Variants in POM121L2 observed in about 807,000 individuals in gnomAD.
The protein encoded by POM121L2 is POM121-like protein 2.
For synonymous variants in POM121L2, 459 were observed against 483.8 expected, an observed-to-expected ratio of 0.95 and a Z score of 0.67; for missense variants, 1,167 against 1,260.3, an observed-to-expected ratio of 0.93 and a Z score of 1.12.
rs1158811773 is a variant in POM121L2 at position 27,310,340 on chromosome 6, G to A, written c.1831C>T (p.His611Tyr). ...TPPPFTHAST[H>Y]HFHGLVKATS... ...GCCTTGACCAGGCCATGGAAATGAT[G>A]GGTAGAAGCATGAGTAAATGGAGGA... The change falls in exon 1 of 1, where the codon CAT becomes TAT. Residue 611 changes from histidine to tyrosine, a missense_variant. Coordinates refer to ENST00000444565, the MANE Select transcript of POM121L2 (RefSeq NM_033482.4). 1.3e-6 allele frequency: 2 copies of A among 1,552,276 alleles called. No individual in the cohort carries two copies. Among genetic ancestry groups the A allele is most frequent in the South Asian group, 1.2e-5 (1 of 84,062 alleles).
rs61736079 is a variant in POM121L2, at chr6:27,309,082, T to C, written c.3089A>G (p.His1030Arg). The C allele has an allele frequency of 1.4e-3, 2,209 of 1,551,144 alleles. 23 individuals are homozygous for C. In the African/African-American group the frequency reaches 0.024, roughly 17 times the overall value. ...KNREKGHSRR[H>R]HAYKK ...CACAGGCTACTTCTTGTAGGCATGA[T>C]GCCTTCGGGAATGCCCTTTCTCCCG... Residue 1030 changes from histidine (H) to arginine (R), a missense_variant, in exon 1 of 1, where the codon CAT becomes CGT. His to Arg is a conservative substitution (Grantham distance 29). Transcript: ENST00000444565.
rs1760722557 is a variant in POM121L2 at position 27,310,030 on chromosome 6, G to C, written c.2141C>G (p.Pro714Arg). Reference protein sequence around the residue: ...QVLSSVVQISPRSSTANFRGM... With the variant: ...QVLSSVVQISRRSSTANFRGM... ...CCTGAAATTAGCAGTGCTGCTTCTA[G>C]GGGATATCTGTACAACACTGGAAAG... is the stretch of plus-strand genomic sequence containing the variant. Residue 714 changes from proline to arginine, a missense_variant, in exon 1 of 1, where the codon CCT becomes CGT. Coordinates refer to ENST00000444565, the MANE Select transcript of POM121L2 (RefSeq NM_033482.4). 1.3e-6 allele frequency: 2 copies of C among 1,552,180 alleles called. No individual in the cohort carries two copies. Among genetic ancestry groups the C allele is most frequent in the Middle Eastern group, 1.7e-4 (1 of 5,996 alleles).
chr6:27,309,898 G>T, intron 1 of POM121L2: 1 of 1,551,800 alleles, frequency 6.4e-7, no homozygotes, highest in Non-Finnish European at 8.7e-7. Flanking sequence ...CCTTGAGCTT[G>T]ATCCCAAGGG....
Position 27,309,508 on chromosome 6 carries a change from G to T in POM121L2, c.2663C>A (p.Pro888His), listed in dbSNP as rs983441556. ...GSVFGSRAPQ[P>H]FTFGGFVTPM... ...GGTCACGAATCCCCCAAAAGTGAAA[G>T]GTTGTGGAGCTCTGCTGCCAAACAC... is the stretch of plus-strand genomic sequence containing the variant. Residue 888 changes from proline to histidine, a missense_variant, in exon 1 of 1, where the codon CCT becomes CAT. Coordinates refer to ENST00000444565, the MANE Select transcript of POM121L2 (RefSeq NM_033482.4). The T allele has an allele frequency of 4.5e-6, 7 of 1,551,940 alleles. No individual in the cohort carries two copies. The African/African-American group carries it at 5.5e-5, about 12-fold the overall frequency.
chr6:27,311,319 C>T (rs1404429623), upstream of POM121L2: 7 of 1,551,526 alleles, frequency 4.5e-6, no homozygotes, highest in Non-Finnish European at 6.1e-6. Context: ...TTTTTATTGG[C>T]CACTCTGGTG....
In POM121L2 at chr6:27,309,222, G is replaced by C; in HGVS notation, c.2949C>G (p.Ser983Arg). 1 of 1,551,838 alleles carries C rather than the reference G, an allele frequency of 6.4e-7. No homozygotes were observed. Among genetic ancestry groups the C allele is most frequent in the African/African-American group, 1.4e-5 (1 of 73,180 alleles). Residue 983 changes from serine (S) to arginine (R), a missense_variant, in exon 1 of 1, where the codon AGC becomes AGG. By Grantham distance (110) the Ser-to-Arg change is moderately radical (BLOSUM62 -1). Transcript: ENST00000444565. ...GAAAAGGCATCCCAAAGCCAACACT[G>C]CTGCCTGCCTTAGCTTGTCCAGGGA... Reference protein sequence around the residue: ...TPVPGQAKAGSSVGFGMPFPP... With the variant: ...TPVPGQAKAGRSVGFGMPFPP...
Position 27,308,710 on chromosome 6 carries a change from G to A in POM121L2, c.*353C>T, listed in dbSNP as rs989272206. On this transcript the variant is annotated 3_prime_UTR_variant, in exon 1 of 1. Coordinates refer to ENST00000444565, the MANE Select transcript of POM121L2 (RefSeq NM_033482.4). ...CAGCAGTAGGGATGGCAGGATGTAC[G>A]AAAAGATGTTCTAATTGATAGACAT... 1.3e-4 allele frequency among the ~76,000 whole-genome samples: 20 copies of A among 152,168 alleles called. No homozygotes were observed. The highest frequency in any genetic ancestry group is 2.0e-4 in the Admixed American group (3 of 15,282).
In POM121L2 at chr6:27,312,250, A is replaced by G. The variant is rs1760758834; in HGVS notation, c.-80T>C. ...TTCGGACGTCTGCAGAATCGGACAGAGTCGAAGAGCGCAGTGTTCGGTTGA... is the reference window on the plus strand; with the variant it reads ...TTCGGACGTCTGCAGAATCGGACAGGGTCGAAGAGCGCAGTGTTCGGTTGA... On this transcript the variant is annotated 5_prime_UTR_variant, in exon 1 of 1. Transcript: ENST00000444565. The surrounding 1 kb of genome is among the most constrained non-coding windows in gnomAD (Gnocchi z 6.7). The G allele has an allele frequency of 1.1e-6, 1 of 882,376 alleles. No homozygotes were observed. The highest frequency in any genetic ancestry group is 3.1e-5 in the Admixed American group (1 of 32,344). The allele number at this position is 882,376 out of a possible 1,614,324, so 54.7% of individuals were successfully genotyped here.
Position 27,308,980 on chromosome 6 carries a change from A to T in POM121L2, c.*83T>A. The T allele has an allele frequency of 9.7e-7, 1 of 1,031,128 alleles. No homozygotes were observed. Among genetic ancestry groups the T allele is most frequent in the Non-Finnish European group, 1.4e-6 (1 of 714,760 alleles). 63.9% of individuals were successfully genotyped at this position (1,031,128 alleles called of 1,614,324 possible). A position where few individuals can be genotyped will look rare whatever the true frequency, so the allele number is the denominator to read the frequency against. ...CCAGTTTTAGATCTGGAGTATGTTT[A>T]CTTTAGAAAATTGGAAGACACTGAG... On this transcript the variant is annotated 3_prime_UTR_variant, in exon 1 of 1. Coordinates refer to ENST00000444565, the MANE Select transcript of POM121L2 (RefSeq NM_033482.4).
Position 27,309,179 on chromosome 6 carries a change from C to G in POM121L2, c.2992G>C (p.Val998Leu). The G allele has an allele frequency of 6.4e-7, 1 of 1,551,810 alleles. No individual in the cohort carries two copies. Among genetic ancestry groups the G allele is most frequent in the South Asian group, 1.2e-5 (1 of 84,066 alleles). Residue 998 changes from valine (V) to leucine (L), a missense_variant, in exon 1 of 1, where the codon GTT (valine) becomes CTT (leucine). Physicochemically the swap from Val to Leu is conservative, Grantham distance 32. Transcript: ENST00000444565. ...GMPFPPAQGS[V>L]GRGPFRSSAS... is the part of the protein sequence containing the mutation. ...GATGATCTAAAAGGTCCTCTCCCAA[C>G]AGAGCCCTGGGCAGGTGGAAAAGGC...
chr6:27,311,075 C>A lies in POM121L2; in HGVS notation c.1096G>T (p.Asp366Tyr). Residue 366 changes from aspartate to tyrosine, a missense_variant, in exon 1 of 1, where the codon GAT becomes TAT. By Grantham distance (160) the Asp-to-Tyr change is radical. Coordinates refer to ENST00000444565, the MANE Select transcript of POM121L2 (RefSeq NM_033482.4). ...ELQVSNNAGEDTTEVNTDPFP... is the reference protein window; with the variant it reads ...ELQVSNNAGEYTTEVNTDPFP... ...GGGTCTGTGTTGACCTCAGTTGTATCTTCTCCTGCGTTGTTGCTTACCTGT... is the reference window on the plus strand; with the variant it reads ...GGGTCTGTGTTGACCTCAGTTGTATATTCTCCTGCGTTGTTGCTTACCTGT... 2 of 1,551,956 alleles carry A rather than the reference C, an allele frequency of 1.3e-6. No homozygotes were observed. The highest frequency in any genetic ancestry group is 1.7e-6 in the Non-Finnish European group (2 of 1,147,066).
rs1370704059 is a variant in POM121L2, at chr6:27,309,575, T to C, written c.2596A>G (p.Arg866Gly). The C allele has an allele frequency of 1.3e-6, 2 of 1,551,860 alleles. No homozygotes were observed. The highest frequency in any genetic ancestry group is 2.0e-5 in the Admixed American group (1 of 50,988). The stretch of plus-strand genomic sequence containing the variant: ...CTTTGGTGGGTCTGAATTACAATTC[T>C]AAACCCAGTTGTACTAGCTTGACTA... ...PISQASTTGF[R>G]IVIQTHQSGA... The change falls in exon 1 of 1, where the codon AGA becomes GGA. Residue 866 changes from arginine (R) to glycine (G), a missense_variant. Physicochemically the swap from Arg to Gly is moderately radical, Grantham distance 125 (BLOSUM62 -2). Transcript: ENST00000444565.
In POM121L2 at chr6:27,312,159, G is replaced by A; in HGVS notation, c.12C>T (p.Phe4=). 1.4e-6 allele frequency: 2 copies of A among 1,449,352 alleles called. No homozygotes were observed. The highest frequency in any genetic ancestry group is 1.5e-5 in the South Asian group (1 of 67,840). The allele number at this position is 1,449,352 out of a possible 1,614,324, so 89.8% of individuals were successfully genotyped here. ...AGGGCGAAAGTTCCAGTTTGCTCAGGAAACTGCCCATGAGGAGAGATGAGG... is the reference window on the plus strand; with the variant it reads ...AGGGCGAAAGTTCCAGTTTGCTCAGAAAACTGCCCATGAGGAGAGATGAGG... MGS[F]LSKLELSPSS... The change falls in exon 1 of 1, where the codon TTC becomes TTT. Residue 4 remains phenylalanine, a synonymous_variant. Coordinates refer to ENST00000444565, the MANE Select transcript of POM121L2 (RefSeq NM_033482.4). This position sits in a 1 kb window ranked among gnomAD's most constrained non-coding sequence, Gnocchi z 6.7.
In POM121L2 at chr6:27,308,721, C is replaced by G. The variant is rs913301891; in HGVS notation, c.*342G>C. On this transcript the variant is annotated 3_prime_UTR_variant, in exon 1 of 1. Coordinates refer to ENST00000444565, the MANE Select transcript of POM121L2 (RefSeq NM_033482.4). ...ATGGCAGGATGTACGAAAAGATGTT[C>G]TAATTGATAGACATTCAACTTATTT... 6.6e-6 allele frequency among the ~76,000 whole-genome samples: 1 copy of G among 152,094 alleles called. No individual in the cohort carries two copies. Among genetic ancestry groups the G allele is most frequent in the Non-Finnish European group, 1.5e-5 (1 of 68,026 alleles).
At position 27,309,587 on chromosome 6, in the gene POM121L2, T is replaced by C. The variant is rs1427213790; in HGVS notation, c.2584A>G (p.Thr862Ala). 27 of 1,551,726 alleles carry C rather than the reference T, an allele frequency of 1.7e-5. No individual in the cohort carries two copies. The highest frequency in any genetic ancestry group is 2.4e-5 in the Non-Finnish European group (27 of 1,146,986). Residue 862 changes from threonine (T) to alanine (A), a missense_variant, in exon 1 of 1, where the codon ACA becomes GCA. Physicochemically the swap from Thr to Ala is moderately conservative, Grantham distance 58. Coordinates refer to ENST00000444565, the MANE Select transcript of POM121L2 (RefSeq NM_033482.4). ...PAGFPISQAS[T>A]TGFRIVIQTH... ...TGAATTACAATTCTAAACCCAGTTGTACTAGCTTGACTAATGGGAAAACCT... is the reference window on the plus strand; with the variant it reads ...TGAATTACAATTCTAAACCCAGTTGCACTAGCTTGACTAATGGGAAAACCT...
At position 27,311,586 on chromosome 6, in the gene POM121L2, T is replaced by A. The variant is rs1760746614; in HGVS notation, c.585A>T (p.Ala195=). The change falls in exon 1 of 1, where the codon GCA becomes GCT. Residue 195 remains alanine, a synonymous_variant. Coordinates refer to ENST00000444565, the MANE Select transcript of POM121L2 (RefSeq NM_033482.4). ...TTCCATTTTTCATCAGGGGCTTAAA[T>A]GCCGATGGTCTGGTCTCTGGACTCC... ...KRRSPETRPS[A]FKPLMKNGTL... 3.9e-6 allele frequency: 6 copies of A among 1,551,646 alleles called. No homozygotes were observed. Among genetic ancestry groups the A allele is most frequent in the Non-Finnish European group, 5.2e-6 (6 of 1,147,020 alleles).
In POM121L2 at chr6:27,309,450, C is replaced by A; in HGVS notation, c.2721G>T (p.Met907Ile). The A allele has an allele frequency of 6.4e-7, 1 of 1,551,530 alleles. No individual in the cohort carries two copies. ...PMDCDESGIIMTGPDMSPTSG... is the reference protein window; with the variant it reads ...PMDCDESGIIITGPDMSPTSG... ...AGGTGGGGCTCATGTCTGGACCAGT[C>A]ATTATGATCCCAGACTCATCACAGT... is the stretch of plus-strand genomic sequence containing the variant. The change falls in exon 1 of 1, where the codon ATG becomes ATT. Residue 907 changes from methionine (M) to isoleucine (I), a missense_variant. Met to Ile is a conservative substitution (Grantham distance 10). Transcript: ENST00000444565.
intron 1 of POM121L2, chr6:27,310,643 CAAGCA>C: frequency 1.3e-6 from 2 of 1,551,854 alleles, no homozygotes; most frequent in Non-Finnish European, 1.7e-6. Flanking sequence ...CTCACCATTC[CAAGCA>C]AAGTACTTTG....
Position 27,310,516 on chromosome 6 carries a change from G to C in POM121L2, c.1655C>G (p.Ser552Cys). 6.4e-7 allele frequency: 1 copy of C among 1,552,288 alleles called. No individual in the cohort carries two copies. The highest frequency in any genetic ancestry group is 8.7e-7 in the Non-Finnish European group (1 of 1,147,130). ...TGCTGCAGCTGTGACTGAAATTCTG[G>C]AATATGAGGAGCTTCCAATCTCGCT... ...HNSEIGSSSYSRISVTAAASS... is the reference protein window; with the variant it reads ...HNSEIGSSSYCRISVTAAASS... Residue 552 changes from serine (S) to cysteine (C), a missense_variant, in exon 1 of 1, where the codon TCC becomes TGC. Ser to Cys is a moderately radical substitution (Grantham distance 112). Transcript: ENST00000444565.
Sources: allele counts gnomAD v4.1 joint callset (sites outside exome capture counted in the v4.1 genomes callset), GRCh38; gene constraint gnomAD v4.1.1; non-coding constraint Gnocchi (gnomAD v3.1); transcripts MANE v1.5; gene names NCBI Gene and HGNC (gene_info 2026-07-23, HGNC 2026-07-21).